The following TRPC7 variants were observed in gnomAD, a reference collection of about 807,000 sequenced individuals.
TRPC7 encodes short transient receptor potential channel 7.
In TRPC7, 42 loss-of-function variants were observed where a neutral mutation model predicts 90.1. That is an observed-to-expected ratio of 0.47 (90% CI 0.36 to 0.60). The LOEUF (loss-of-function observed/expected upper bound fraction) is 0.60. TRPC7 is among the 20% of genes least tolerant of loss of function. The probability of loss-of-function intolerance (pLI) is 0.00; values close to 1 mark genes in which losing one functional copy is unlikely to be tolerated. For synonymous variants in TRPC7, 451 were observed against 436.3 expected (o/e 1.03, Z -0.42); for missense variants, 955 against 1,112.3 (o/e 0.86, Z 2.01).
At chr5:136,267,838 A>C (rs1462626210) in intron 4 of TRPC7, among the ~76,000 whole-genome samples, 1 of 152,228 alleles carries the variant, frequency 6.6e-6, no homozygotes, top group Non-Finnish European at 1.5e-5. Flanking sequence ...GTCATATGAC[A>C]CTAGGAATAA....
chr5:136,282,256 A>T (rs886418261), intron 3 of TRPC7, among the ~76,000 whole-genome samples: 1 of 152,222 alleles, frequency 6.6e-6, no homozygotes, highest in Non-Finnish European at 1.5e-5. Context: ...AGATTCCCTC[A>T]TATTATCAAA....
At position 136,365,356 on chromosome 5, in the gene TRPC7, G is replaced by A. The variant is rs1278481949; in HGVS notation, c.-102C>T. 9 of 1,203,736 alleles carry A rather than the reference G, an allele frequency of 7.5e-6. No homozygotes were observed. The Admixed American group carries it at 1.4e-4, about 19-fold the overall frequency. The allele number at this position is 1,203,736 out of a possible 1,614,324, so 74.6% of individuals were successfully genotyped here. The stretch of plus-strand genomic sequence containing the variant: ...CATGGGTGGTAGCCAAGGATGTACC[G>A]CTCTCCGTGGTGCTGAAGTATAGAG... On this transcript the variant is annotated 5_prime_UTR_variant, in exon 1 of 12. Coordinates refer to ENST00000513104, the MANE Select transcript of TRPC7 (RefSeq NM_020389.3).
chr5:136,300,139 TTCTG>T (rs1262137845), intron 3 of TRPC7, among the ~76,000 whole-genome samples: 4 of 152,202 alleles, frequency 2.6e-5, no homozygotes, highest in African/African-American at 9.6e-5. Context: ...AGCAATAGTT[TTCTG>T]TCCTGTCATG....
chr5:136,278,886 A>G (rs1757455521), intron 3 of TRPC7, among the ~76,000 whole-genome samples: 4 of 151,686 alleles, frequency 2.6e-5, no homozygotes, highest in Admixed American at 2.6e-4. Context: ...GACGTCTGAC[A>G]CTCGATTCTA....
chr5:136,303,531 T>C (rs557276293), intron 3 of TRPC7, among the ~76,000 whole-genome samples: 3 of 152,154 alleles, frequency 2.0e-5, no homozygotes, highest in East Asian at 3.9e-4. Context: ...TCCAAATGCC[T>C]GAACTGCAGT....
At chr5:136,225,524 C>T (rs1477755276) in intron 9 of TRPC7, among the ~76,000 whole-genome samples, 170 bp from the exon 10 acceptor site, 1 of 151,744 alleles carries the variant, frequency 6.6e-6, no homozygotes, top group Non-Finnish European at 1.5e-5. Flanking sequence ...GTTCCTAGGA[C>T]CTTTAGCTCT....
At chr5:136,344,702 C>T (rs1385226189) in intron 2 of TRPC7, among the ~76,000 whole-genome samples, 1 of 152,120 alleles carries the variant, frequency 6.6e-6, no homozygotes, top group Non-Finnish European at 1.5e-5. Flanking sequence ...CATGGGTATT[C>T]CTTCCTGAGT....
chr5:136,356,194 CA>C (rs1760367516), intron 2 of TRPC7, among the ~76,000 whole-genome samples: 1 of 152,222 alleles, frequency 6.6e-6, no homozygotes, highest in African/African-American at 2.4e-5. Context: ...GTGAACAAGA[CA>C]AATCAAAGCC....
intron 5 of TRPC7, 96 bp from the exon 6 acceptor site, chr5:136,251,978 A>G: frequency 1.0e-6 from 1 of 991,186 alleles, no homozygotes; most frequent in Admixed American, 2.0e-5. Context: ...AAATGTAAAT[A>G]TCAGCTCTTT....
At position 136,274,791 on chromosome 5, in the gene TRPC7, T is replaced by A; in HGVS notation, c.1010A>T (p.Tyr337Phe). 2 of 1,592,102 alleles carry A rather than the reference T, an allele frequency of 1.3e-6. No individual in the cohort carries two copies. The highest frequency in any genetic ancestry group is 1.7e-6 in the Non-Finnish European group (2 of 1,168,834). Residue 337 changes from tyrosine (Y) to phenylalanine (F), a missense_variant, in exon 4 of 12, where the codon TAT becomes TTT. Physicochemically the swap from Tyr to Phe is conservative, Grantham distance 22. Transcript: ENST00000513104. ...TTGACGTAAGCCTGAGAGATTTTCA[T>A]ACCACATGGTAAGCAATTGCTGCTG... ...NCQQQLLTMW[Y>F]ENLSGLRQQS...
At chr5:136,333,042 C>G (rs1410305853) in intron 2 of TRPC7, among the ~76,000 whole-genome samples, 2 of 152,190 alleles carry the variant, frequency 1.3e-5, no homozygotes, top group African/African-American at 4.8e-5. Context: ...CATAGAGCAG[C>G]CTCCTCCACT....
At position 136,266,257 on chromosome 5, in the gene TRPC7, G is replaced by T. The variant is rs372364792; in HGVS notation, c.1308C>A (p.Phe436Leu). 1.7e-5 allele frequency: 27 copies of T among 1,613,794 alleles called. No homozygotes were observed. In the African/African-American group the frequency reaches 3.6e-4, roughly 22 times the overall value. ...TCATAATGAGCATTTCTGTCCAGGA[G>T]AACTGTGTGGTTTTCACTCTGAAGA... ...KQIFRVKTTQFSWTEMLIMKW... is the reference protein window; with the variant it reads ...KQIFRVKTTQLSWTEMLIMKW... The change falls in exon 5 of 12, where the codon TTC becomes TTA. Residue 436 changes from phenylalanine (F) to leucine (L), a missense_variant. This residue lies in a region of TRPC7 where 484 missense variants were observed against 509.6 expected (regional missense o/e 0.95). Transcript: ENST00000513104.
At chr5:136,338,556 A>G (rs1323221963) in intron 2 of TRPC7, among the ~76,000 whole-genome samples, 4 of 152,228 alleles carry the variant, frequency 2.6e-5, no homozygotes, top group Non-Finnish European at 5.9e-5. Context: ...AGCCCAAGCC[A>G]GATATTCAGA....
intron 3 of TRPC7, among the ~76,000 whole-genome samples, chr5:136,309,928 T>C (rs1380080721): frequency 6.6e-6 from 1 of 152,192 alleles, no homozygotes; most frequent in African/African-American, 2.4e-5. Flanking sequence ...GAGGAAGAGC[T>C]GTCTCTCCAT....
intron 3 of TRPC7, among the ~76,000 whole-genome samples, chr5:136,293,182 C>G (rs1282122023): frequency 6.6e-6 from 1 of 152,184 alleles, no homozygotes; most frequent in Non-Finnish European, 1.5e-5. Context: ...CAGCCAATAT[C>G]ATACTGAATG....
chr5:136,231,566 G>C lies in TRPC7; in HGVS notation c.1845-17C>G, dbSNP rs749758948. On this transcript the variant is annotated splice_polypyrimidine_tract_variant and intron_variant, in intron 7 of 11. Coordinates refer to ENST00000513104, the MANE Select transcript of TRPC7 (RefSeq NM_020389.3). ...TCTTCAACCCTGCAAAGAAACAGAC[G>C]GTCCTTTTACGCAGTTTGCATCAGC... 3.2e-5 allele frequency: 50 copies of C among 1,571,970 alleles called. No homozygotes were observed. Among genetic ancestry groups the C allele is most frequent in the Non-Finnish European group, 4.3e-5 (49 of 1,152,896 alleles).
intron 3 of TRPC7, among the ~76,000 whole-genome samples, chr5:136,293,760 T>G (rs1335286793): frequency 1.3e-5 from 2 of 152,154 alleles, no homozygotes; most frequent in African/African-American, 2.4e-5. Context: ...AAGCTACCAA[T>G]GACTTTCTTC....
At chr5:136,238,056 T>A (rs1204205793) in intron 7 of TRPC7, among the ~76,000 whole-genome samples, 1 of 152,202 alleles carries the variant, frequency 6.6e-6, no homozygotes, top group Non-Finnish European at 1.5e-5. Flanking sequence ...GTGCACTGGC[T>A]GAGCTCTCTC....
chr5:136,253,834 G>A (rs1384187898), intron 5 of TRPC7, among the ~76,000 whole-genome samples: 2 of 152,202 alleles, frequency 1.3e-5, no homozygotes, highest in Non-Finnish European at 2.9e-5. Flanking sequence ...AAATGATTAA[G>A]GTTAGTGAGG....
Sources: allele counts gnomAD v4.1 joint callset (sites outside exome capture counted in the v4.1 genomes callset), GRCh38; gene constraint gnomAD v4.1.1; regional missense constraint gnomAD v4.1.1; transcripts MANE v1.5; gene names NCBI Gene and HGNC (gene_info 2026-07-23, HGNC 2026-07-21).